CBL: variants seen among roughly 807,000 people sequenced by gnomAD.
CBL encodes E3 ubiquitin-protein ligase CBL.
A neutral mutation model predicts 96.9 loss-of-function variants in CBL; 45 were observed. The ratio of observed to expected loss-of-function variants is 0.46; its 90% confidence interval spans 0.37 to 0.60. CBL has a LOEUF of 0.60. Among genes scored for constraint, CBL ranks in the 20% least tolerant of loss-of-function variants. The pLI, the probability that CBL is intolerant of heterozygous loss-of-function variation, is 0.00. For synonymous variants in CBL, 420 were observed against 426.8 expected, an observed-to-expected ratio of 0.98 and a Z score of 0.20; for missense variants, 1,024 against 1,143.5, an observed-to-expected ratio of 0.90 and a Z score of 1.51.
intron 6 of CBL, among the ~76,000 whole-genome samples, chr11:119,276,750 A>T (rs1028210506): frequency 1.3e-5 from 2 of 152,208 alleles, no homozygotes; most frequent in South Asian, 4.1e-4. Context: ...TATATTATAC[A>T]TTATCTTTTA....
At chr11:119,265,624 AC>A (rs1157659103) in intron 2 of CBL, among the ~76,000 whole-genome samples, 1 of 152,110 alleles carries the variant, frequency 6.6e-6, no homozygotes, top group Non-Finnish European at 1.5e-5. Flanking sequence ...GGTAGCTCAC[AC>A]CTGTAATCCC....
chr11:119,293,897 A>G (rs894066567), intron 12 of CBL, among the ~76,000 whole-genome samples: 2 of 152,306 alleles, frequency 1.3e-5, no homozygotes, highest in South Asian at 2.1e-4. Flanking sequence ...ACTGGGGGAC[A>G]TATTTAAATC....
intron 2 of CBL, among the ~76,000 whole-genome samples, chr11:119,241,426 G>GA (rs1290976219): frequency 6.6e-6 from 1 of 151,796 alleles, no homozygotes; most frequent in Non-Finnish European, 1.5e-5. Context: ...GTAGGAAAAG[G>GA]AAAAAAAATT....
chr11:119,288,655 C>A (rs1950003085), intron 12 of CBL, among the ~76,000 whole-genome samples: 1 of 152,222 alleles, frequency 6.6e-6, no homozygotes, highest in South Asian at 2.1e-4. Context: ...AGTTCCAAGA[C>A]CCCAGCATAT....
chr11:119,298,314 A>G (rs748695656), intron 14 of CBL, 44 bp from the exon 15 acceptor site: 5 of 1,548,564 alleles, frequency 3.2e-6, no homozygotes, highest in South Asian at 2.2e-5. Context: ...GTATTAGAAG[A>G]TGAAGTGCGT....
chr11:119,299,895 C>G lies in CBL; in HGVS notation c.*114C>G. On this transcript the variant is annotated 3_prime_UTR_variant, in exon 16 of 16. Coordinates refer to ENST00000264033, the MANE Select transcript of CBL (RefSeq NM_005188.4). ...TGACTTCACAGTGAAGTCTTGCCCT[C>G]TCTGTGGGATATCACATCAGTGGTT... 1.0e-6 allele frequency: 1 copy of G among 983,204 alleles called. No homozygotes were observed. Among genetic ancestry groups the G allele is most frequent in the Non-Finnish European group, 1.6e-6 (1 of 619,126 alleles). 60.9% of individuals were successfully genotyped at this position (983,204 alleles called of 1,614,324 possible).
At chr11:119,233,250 AT>A (rs1445274811) in intron 2 of CBL, among the ~76,000 whole-genome samples, 1 of 152,054 alleles carries the variant, frequency 6.6e-6, no homozygotes, top group Non-Finnish European at 1.5e-5. Context: ...TTTTATATTA[AT>A]TTTATTATTA....
intron 12 of CBL, among the ~76,000 whole-genome samples, chr11:119,292,425 T>TC (rs1950034055): frequency 6.6e-6 from 1 of 151,964 alleles, no homozygotes; most frequent in Non-Finnish European, 1.5e-5. Context: ...TTTCTTTTTT[T>TC]CTTTTCTTTT....
Position 119,287,870 on chromosome 11 carries a change from T to C in CBL, c.1960T>C (p.Leu654=). Residue 654 remains leucine, a synonymous_variant, in exon 12 of 16, where the codon TTA becomes CTA. Transcript: ENST00000264033. ...TTTCCAGAGTATGAATAGCAGCCCA[T>C]TAGTAGGTCCAGAGTGTGACCACCC... ...DTSMSMNSSP[L]VGPECDHPKI... The C allele has an allele frequency of 6.2e-7, 1 of 1,611,462 alleles. No individual in the cohort carries two copies. The highest frequency in any genetic ancestry group is 8.5e-7 in the Non-Finnish European group (1 of 1,177,542).
In CBL at chr11:119,299,890, G is replaced by A; in HGVS notation, c.*109G>A. The stretch of plus-strand genomic sequence containing the variant: ...TTTGGTGACTTCACAGTGAAGTCTT[G>A]CCCTCTCTGTGGGATATCACATCAG... On this transcript the variant is annotated 3_prime_UTR_variant, in exon 16 of 16. Transcript: ENST00000264033. 2.8e-6 allele frequency: 3 copies of A among 1,060,434 alleles called. No homozygotes were observed. Among genetic ancestry groups the A allele is most frequent in the Non-Finnish European group, 2.9e-6 (2 of 688,658 alleles). 65.7% of individuals were successfully genotyped at this position (1,060,434 alleles called of 1,614,324 possible).
At chr11:119,270,668 G>A (rs377226650) in intron 2 of CBL, among the ~76,000 whole-genome samples, 4 of 150,538 alleles carry the variant, frequency 2.7e-5, no homozygotes, top group African/African-American at 7.3e-5. Flanking sequence ...GGATGGTCTC[G>A]ATCTCCTGAC....
In CBL at chr11:119,206,377, C is replaced by T. The variant is rs751528430; in HGVS notation, c.-41C>T. 12 of 1,441,032 alleles carry T rather than the reference C, an allele frequency of 8.3e-6. No homozygotes were observed. Among genetic ancestry groups the T allele is most frequent in the Non-Finnish European group, 1.1e-5 (12 of 1,090,608 alleles). 89.3% of individuals were successfully genotyped at this position (1,441,032 alleles called of 1,614,324 possible). A position where few individuals can be genotyped will look rare whatever the true frequency, so the allele number is the denominator to read the frequency against. On this transcript the variant is annotated 5_prime_UTR_variant, in exon 1 of 16. Coordinates refer to ENST00000264033, the MANE Select transcript of CBL (RefSeq NM_005188.4). Reference sequence around the variant, plus strand: ...TTCTCTCCCTCGCTCGCAGTCGAGCCGAGCCGGCGGACCCGCCTGGGCTCC... The same window carrying T: ...TTCTCTCCCTCGCTCGCAGTCGAGCTGAGCCGGCGGACCCGCCTGGGCTCC...
chr11:119,224,759 G>A (rs1949442151), intron 1 of CBL, among the ~76,000 whole-genome samples: 1 of 151,728 alleles, frequency 6.6e-6, no homozygotes, highest in African/African-American at 2.4e-5. Context: ...AAATCATAAG[G>A]AGGATAAAAT....
intron 2 of CBL, among the ~76,000 whole-genome samples, chr11:119,236,871 A>G (rs1047304207): frequency 2.8e-4 from 42 of 152,180 alleles, no homozygotes; most frequent in African/African-American, 9.9e-4. Context: ...GTTTGTATAT[A>G]GTTGTCCCCC....
intron 2 of CBL, among the ~76,000 whole-genome samples, chr11:119,241,740 G>A (rs1257196373): frequency 6.6e-6 from 1 of 152,146 alleles, no homozygotes; most frequent in Non-Finnish European, 1.5e-5. Flanking sequence ...TTTCACTTAG[G>A]TTAAAAATGT....
intron 12 of CBL, among the ~76,000 whole-genome samples, chr11:119,294,077 T>G (rs1950047656): frequency 6.6e-6 from 1 of 152,242 alleles, no homozygotes; most frequent in Admixed American, 6.5e-5. Flanking sequence ...CAACATGCTT[T>G]GTGAGAAGGA....
At position 119,287,835 on chromosome 11, in the gene CBL, T is replaced by C. The variant is rs907111206; in HGVS notation, c.1942-17T>C. The C allele has an allele frequency of 3.8e-6, 6 of 1,559,506 alleles. No individual in the cohort carries two copies. The African/African-American group carries it at 6.8e-5, about 18-fold the overall frequency. On this transcript the variant is annotated splice_polypyrimidine_tract_variant and intron_variant, in intron 11 of 15. Coordinates refer to ENST00000264033, the MANE Select transcript of CBL (RefSeq NM_005188.4). ...TGGTAAGAAAGTTGTTTTTCAACAC[T>C]TTTCTTTACTTTCCAGAGTATGAAT...
At chr11:119,229,908 C>A (rs1949488374) in intron 1 of CBL, among the ~76,000 whole-genome samples, 2 of 151,098 alleles carry the variant, frequency 1.3e-5, no homozygotes, top group African/African-American at 4.9e-5. Flanking sequence ...TTGAAGAATT[C>A]TTGATCATTA....
chr11:119,206,491 T>C lies in CBL; in HGVS notation c.74T>C (p.Leu25Pro). 6.4e-7 allele frequency: 1 copy of C among 1,571,232 alleles called. No homozygotes were observed. The highest frequency in any genetic ancestry group is 8.6e-7 in the Non-Finnish European group (1 of 1,160,842). Residue 25 changes from leucine to proline, a missense_variant, in exon 1 of 16, where the codon CTG becomes CCG. Physicochemically the swap from Leu to Pro is moderately conservative, Grantham distance 98 (BLOSUM62 -3). Coordinates refer to ENST00000264033, the MANE Select transcript of CBL (RefSeq NM_005188.4). ...TCCGGGGGCTCGGGTTCGGGTGGCC[T>C]GATTGGGCTCATGAAGGACGCCTTC... is the stretch of plus-strand genomic sequence containing the variant. ...SGSGGSGSGG[L>P]IGLMKDAFQP... is the part of the protein sequence containing the mutation.
Sources: gnomAD v4.1 joint callset for allele counts (sites outside exome capture counted in the v4.1 genomes callset) on GRCh38, gnomAD v4.1.1 for gene constraint, MANE v1.5 for transcripts, NCBI Gene and HGNC (gene_info 2026-07-23, HGNC 2026-07-21) for gene names.